Variants in OPHN1 observed in about 807,000 individuals in gnomAD.
The protein encoded by OPHN1 is oligophrenin-1.
A neutral mutation model predicts 60.7 loss-of-function variants in OPHN1; 11 were observed. The ratio of observed to expected loss-of-function variants is 0.18; its 90% CI spans 0.11 to 0.30. The LOEUF is 0.30. OPHN1 is among the 10% of genes least tolerant of loss of function. OPHN1 has a pLI of 1.00. For missense variants in OPHN1, 449 were observed against 611.0 expected (o/e 0.73, Z 2.80); for synonymous variants, 226 against 222.6 (o/e 1.02, Z -0.14).
At chrX:68,133,237 G>T (rs1287442318) in intron 15 of OPHN1, 1 of 684,961 alleles carries the variant, frequency 1.5e-6, no homozygotes, top group Non-Finnish European at 2.4e-6. Context: ...CCTCATGGAT[G>T]AAGAAGGACC....
chrX:68,274,124 TG>T (rs1458064717), intron 5 of OPHN1, among the ~76,000 whole-genome samples: 2 of 111,699 alleles, frequency 1.8e-5, no homozygotes, highest in African/African-American at 3.3e-5. Context: ...CACCTCCCAC[TG>T]GGCCCCACCT....
intron 15 of OPHN1, among the ~76,000 whole-genome samples, chrX:68,137,324 C>G (rs1334840077): frequency 9.0e-6 from 1 of 111,654 alleles, no homozygotes; most frequent in East Asian, 2.8e-4. Flanking sequence ...CAAATGTGTA[C>G]CTGTCTCTAT....
chrX:68,292,437 A>G (rs1220674841), intron 3 of OPHN1, among the ~76,000 whole-genome samples: 1 of 111,916 alleles, frequency 8.9e-6, no homozygotes, highest in Non-Finnish European at 1.9e-5. Flanking sequence ...TATATGCCAC[A>G]TAAATCCCAT....
chrX:68,410,879 C>G (rs779973929), intron 2 of OPHN1, among the ~76,000 whole-genome samples: 1 of 111,630 alleles, frequency 9.0e-6, no homozygotes, highest in Non-Finnish European at 1.9e-5. Context: ...ACCTAAGTGT[C>G]CATCAATAGG....
chrX:68,206,093 A>T (rs1960816329), intron 10 of OPHN1, among the ~76,000 whole-genome samples: 1 of 109,204 alleles, frequency 9.2e-6, no homozygotes, highest in Admixed American at 9.9e-5. Flanking sequence ...CAGGAGTGAG[A>T]GAAGGTTTGG....
intron 14 of OPHN1, 80 bp downstream of exon 14, chrX:68,193,810 C>T (rs1193709465): frequency 4.0e-5 from 34 of 841,982 alleles, no homozygotes; most frequent in South Asian, 8.3e-5. Context: ...ATTCCTAAAA[C>T]GCTACTTCAG....
chrX:68,152,708 G>T (rs1474063367), intron 15 of OPHN1, among the ~76,000 whole-genome samples: 2 of 109,877 alleles, frequency 1.8e-5, no homozygotes, highest in African/African-American at 6.6e-5. Flanking sequence ...CTCCCAAAGT[G>T]CTGGGATTAC....
At chrX:68,279,819 T>A (rs2147601529) in intron 4 of OPHN1, among the ~76,000 whole-genome samples, 1 of 111,792 alleles carries the variant, frequency 8.9e-6, no homozygotes, top group African/African-American at 3.2e-5. Context: ...GGGCACAACA[T>A]AATTAAAGAC....
At chrX:68,169,269 T>G (rs1378467867) in intron 15 of OPHN1, among the ~76,000 whole-genome samples, 8 of 110,998 alleles carry the variant, frequency 7.2e-5, no homozygotes, top group African/African-American at 2.3e-4. Context: ...CACTGCTCAA[T>G]GAAATAAAAT....
intron 6 of OPHN1, among the ~76,000 whole-genome samples, chrX:68,226,879 A>T (rs1166333476): frequency 3.6e-5 from 4 of 111,717 alleles, no homozygotes; most frequent in Non-Finnish European, 7.5e-5. Context: ...CACACATAAC[A>T]ATATTAACCT....
intron 2 of OPHN1, among the ~76,000 whole-genome samples, chrX:68,413,499 G>A (rs1033552412): frequency 2.7e-5 from 3 of 111,550 alleles, no homozygotes; most frequent in Non-Finnish European, 3.8e-5. Flanking sequence ...AATCCATGCC[G>A]TAACCACCTA....
At chrX:68,224,088 C>T (rs1326449871) in intron 6 of OPHN1, among the ~76,000 whole-genome samples, 1 of 111,485 alleles carries the variant, frequency 9.0e-6, no homozygotes, top group Non-Finnish European at 1.9e-5. Context: ...CTGAACAGCA[C>T]CATTGATCAA....
chrX:68,208,486 AT>A (rs1409137251), intron 9 of OPHN1, among the ~76,000 whole-genome samples: 1 of 111,833 alleles, frequency 8.9e-6, no homozygotes, highest in African/African-American at 3.3e-5. Flanking sequence ...TATGCCCCAA[AT>A]ACAGTTATCA....
chrX:68,343,188 C>T (rs1200515506), intron 2 of OPHN1, among the ~76,000 whole-genome samples: 4 of 106,480 alleles, frequency 3.8e-5, no homozygotes, highest in Admixed American at 3.1e-4. Context: ...GCAGGAGAAT[C>T]GCTTGAACCC....
intron 2 of OPHN1, among the ~76,000 whole-genome samples, chrX:68,398,567 A>T (rs2078697194): frequency 9.0e-6 from 1 of 111,625 alleles, no homozygotes; most frequent in African/African-American, 3.3e-5. Context: ...TTGAATTAGG[A>T]TCACATTTAC....
At chrX:68,052,084 G>C (rs189956064) in intron 23 of OPHN1, among the ~76,000 whole-genome samples, 1 of 111,904 alleles carries the variant, frequency 8.9e-6, no homozygotes, top group East Asian at 2.8e-4. Context: ...GAGGTCAGGA[G>C]TTCGAGACCA....
At chrX:68,390,963 G>C (rs906766200) in intron 2 of OPHN1, among the ~76,000 whole-genome samples, 1 of 111,697 alleles carries the variant, frequency 9.0e-6, no homozygotes, top group African/African-American at 3.3e-5. Context: ...GAAAGCTCTA[G>C]GGGAGAATTC....
At chrX:68,232,929 C>CA (rs1555958758) in intron 6 of OPHN1, among the ~76,000 whole-genome samples, 30 of 94,193 alleles carry the variant, frequency 3.2e-4, no homozygotes, top group Non-Finnish European at 5.7e-4. Context: ...ACAACTAAGG[C>CA]TTTTTTTTTT....
intron 2 of OPHN1, among the ~76,000 whole-genome samples, chrX:68,300,060 C>G (rs1398462812): frequency 1.8e-5 from 2 of 112,073 alleles, no homozygotes; most frequent in Non-Finnish European, 3.8e-5. Context: ...TTGAGGCACA[C>G]TGATCTTACC....
Sources: gnomAD v4.1 joint callset for allele counts (sites outside exome capture counted in the v4.1 genomes callset) on GRCh38, gnomAD v4.1.1 for gene constraint, MANE v1.5 for transcripts, NCBI Gene and HGNC (gene_info 2026-07-23, HGNC 2026-07-21) for gene names.